The following TLE4 variants were observed in gnomAD, a reference collection of about 807,000 sequenced individuals.
The protein encoded by TLE4 is TLE family member 4, transcriptional corepressor.
Under a neutral mutation model 92.8 loss-of-function variants are expected in TLE4, and 8 were observed. That is an observed-to-expected ratio of 0.09 (90% CI 0.05 to 0.16). The LOEUF (loss-of-function observed/expected upper bound fraction) is 0.16. TLE4 is among the 10% of genes least tolerant of loss of function. The pLI is 1.00. For missense variants in TLE4, 675 were observed against 997.6 expected, an observed-to-expected ratio of 0.68 and a Z score of 4.36; for synonymous variants, 371 against 374.1, an observed-to-expected ratio of 0.99 and a Z score of 0.10.
chr9:79,701,347 G>A (rs1696944057), intron 8 of TLE4, among the ~76,000 whole-genome samples: 2 of 152,084 alleles, frequency 1.3e-5, no homozygotes, highest in South Asian at 2.1e-4. Flanking sequence ...CTGCAAAACC[G>A]GAAACAGCTA....
intron 4 of TLE4, among the ~76,000 whole-genome samples, chr9:79,583,404 C>T (rs1564134087): frequency 6.6e-6 from 1 of 152,134 alleles, no homozygotes; most frequent in Non-Finnish European, 1.5e-5. Flanking sequence ...TGCCCACACA[C>T]ATTTCAAGAA....
At chr9:79,580,601 GT>G (rs1479934469) in intron 4 of TLE4, among the ~76,000 whole-genome samples, 10 of 151,720 alleles carry the variant, frequency 6.6e-5, no homozygotes, top group Admixed American at 5.9e-4. Context: ...AACCTTGCCA[GT>G]TTTTTGCACA....
chr9:79,686,343 A>G (rs1429849142), intron 8 of TLE4, among the ~76,000 whole-genome samples: 1 of 152,200 alleles, frequency 6.6e-6, no homozygotes, highest in East Asian at 1.9e-4. Context: ...ACCAGTTTCT[A>G]AACATTATCA....
intron 1 of TLE4, chr9:79,573,347 C>T (rs759898135): frequency 9.0e-7 from 1 of 1,105,286 alleles, no homozygotes; most frequent in Admixed American, 4.1e-5. Context: ...GCGGGTCCCC[C>T]CGACGGGCCA....
At chr9:79,709,913 G>A (rs1337582472) in intron 14 of TLE4, among the ~76,000 whole-genome samples, 1 of 152,192 alleles carries the variant, frequency 6.6e-6, no homozygotes, top group African/African-American at 2.4e-5. Context: ...ATATGTAAAT[G>A]CAAATTGCAG....
rs112038848 is a variant in TLE4, at chr9:79,671,171, A to G, written c.609+17096A>G. ...GGGATTTTGTGTTTAGGGATAGTTC[A>G]ACCTTGGCTGAGAATGTGACTTTTA... On this transcript the variant is annotated intron_variant, in intron 8 of 19. Transcript: ENST00000376552. 9.6e-4 allele frequency: 425 copies of G among 443,468 alleles called. 1 individual carries two copies. The highest frequency in any genetic ancestry group is 4.3e-3 in the African/African-American group (214 of 50,016). The allele number at this position is 443,468 out of a possible 1,614,324, so 27.5% of individuals were successfully genotyped here.
At chr9:79,618,732 G>T (rs2050238565) in intron 5 of TLE4, among the ~76,000 whole-genome samples, 1 of 152,148 alleles carries the variant, frequency 6.6e-6, no homozygotes, top group South Asian at 2.1e-4. Flanking sequence ...AGCCCTGCAG[G>T]CTAGTCCTCA....
intron 8 of TLE4, among the ~76,000 whole-genome samples, chr9:79,685,038 T>G (rs1465231313): frequency 4.6e-5 from 7 of 152,178 alleles, no homozygotes; most frequent in Non-Finnish European, 1.0e-4. Context: ...ATTTCAGTGC[T>G]TCCCTTCTCA....
intron 4 of TLE4, among the ~76,000 whole-genome samples, chr9:79,581,392 C>T (rs953762028): frequency 2.0e-5 from 3 of 152,076 alleles, no homozygotes; most frequent in East Asian, 1.9e-4. Context: ...GTGTGTTTTC[C>T]GAATACTGTG....
intron 6 of TLE4, among the ~76,000 whole-genome samples, chr9:79,637,521 A>G (rs1020389745): frequency 5.3e-5 from 8 of 152,142 alleles, no homozygotes; most frequent in Non-Finnish European, 8.8e-5. Flanking sequence ...CTTTATCTTG[A>G]GATCCACTGA....
chr9:79,638,505 A>G (rs1392898711), intron 6 of TLE4, among the ~76,000 whole-genome samples: 1 of 151,968 alleles, frequency 6.6e-6, no homozygotes, highest in Non-Finnish European at 1.5e-5. Flanking sequence ...ATCCTTTTTA[A>G]GGCAGCTCTA....
At chr9:79,654,201 T>A in intron 8 of TLE4, 126 bp downstream of exon 8, 2 of 965,670 alleles carry the variant, frequency 2.1e-6, no homozygotes, top group East Asian at 2.6e-5. Context: ...TTAACTGCAT[T>A]TTTAAAATTA....
intron 6 of TLE4, among the ~76,000 whole-genome samples, chr9:79,644,734 T>C (rs899280467): frequency 6.6e-6 from 1 of 152,256 alleles, no homozygotes; most frequent in East Asian, 1.9e-4. Flanking sequence ...CTGTGCTTGC[T>C]GCTCTATTTC....
At chr9:79,711,001 C>G (rs2073146358) in intron 14 of TLE4, among the ~76,000 whole-genome samples, 1 of 152,216 alleles carries the variant, frequency 6.6e-6, no homozygotes, top group African/African-American at 2.4e-5. Flanking sequence ...CACACTCGGG[C>G]ACTTAGTTTT....
At chr9:79,629,543 C>T (rs568817374) in intron 6 of TLE4, among the ~76,000 whole-genome samples, 202 of 152,232 alleles carry the variant, frequency 1.3e-3, no homozygotes, top group African/African-American at 4.5e-3. Context: ...ACTTAAAGAA[C>T]TAACTCAGCA....
At chr9:79,671,209 C>T (rs1332390283) in intron 8 of TLE4, 1 of 454,842 alleles carries the variant, frequency 2.2e-6, no homozygotes, top group Admixed American at 2.4e-5. Flanking sequence ...TATTTTACAG[C>T]AAAACTACTT....
At chr9:79,576,862 C>A (rs1450747970) in intron 4 of TLE4, 5 of 151,400 alleles carry the variant, frequency 3.3e-5, no homozygotes, top group African/African-American at 9.7e-5. Flanking sequence ...CTCAAACAGT[C>A]TTCTTTTTGT....
Position 79,714,459 on chromosome 9 carries a change from C to T in TLE4, c.1341-4263C>T, listed in dbSNP as rs1406374540. Among the ~76,000 whole-genome samples the T allele has an allele frequency of 2.0e-5, 3 of 152,302 alleles. No individual in the cohort carries two copies. In the East Asian group the frequency reaches 5.8e-4, roughly 29 times the overall value. ...TGGATTAAAACCAATTCAAGGATTT[C>T]CCAGCTCATTTTACCTCATCCTTTT... On this transcript the variant is annotated intron_variant, in intron 14 of 19. Coordinates refer to ENST00000376552, the MANE Select transcript of TLE4 (RefSeq NM_007005.6).
chr9:79,685,813 T>G (rs1307889065), intron 8 of TLE4, among the ~76,000 whole-genome samples: 1 of 152,172 alleles, frequency 6.6e-6, no homozygotes, highest in Non-Finnish European at 1.5e-5. Context: ...AAAAATGTCT[T>G]GAGTTTGCTT....
Sources: allele counts gnomAD v4.1 joint callset (sites outside exome capture counted in the v4.1 genomes callset), GRCh38; gene constraint gnomAD v4.1.1; transcripts MANE v1.5; gene names NCBI Gene and HGNC (gene_info 2026-07-23, HGNC 2026-07-21).